ZC3H7A: variants seen among roughly 807,000 people sequenced by gnomAD.
ZC3H7A encodes the protein zinc finger CCCH-type containing 7A, also known as zinc finger CCCH domain-containing protein 7A.
Under a neutral mutation model 125.5 loss-of-function variants are expected in ZC3H7A, and 44 were observed. The observed-to-expected ratio is 0.35, with a 90% CI of 0.28 to 0.45. The LOEUF (loss-of-function observed/expected upper bound fraction) is 0.45. Among genes scored for constraint, ZC3H7A ranks in the 20% least tolerant of loss-of-function variants. ZC3H7A has a pLI of 1.00. For missense variants in ZC3H7A, 977 were observed against 1,170.7 expected (o/e 0.83, Z 2.41); for synonymous variants, 399 against 391.2 (o/e 1.02, Z -0.23).
intron 1 of ZC3H7A, among the ~76,000 whole-genome samples, chr16:11,794,098 A>C (rs549224414): frequency 2.5e-4 from 38 of 152,232 alleles, no homozygotes; most frequent in South Asian, 2.3e-3. Context: ...GTATGGAAGA[A>C]CTCAACAGGA....
At chr16:11,777,729 A>C (rs545144504) in intron 4 of ZC3H7A, among the ~76,000 whole-genome samples, 1 of 151,452 alleles carries the variant, frequency 6.6e-6, no homozygotes, top group Non-Finnish European at 1.5e-5. Context: ...TCAAAAATTT[A>C]AAAAAGGTGG....
At chr16:11,781,340 G>A in intron 3 of ZC3H7A, 85 bp downstream of exon 3, 3 of 1,345,332 alleles carry the variant, frequency 2.2e-6, no homozygotes, top group Non-Finnish European at 2.1e-6. Context: ...GGGCCCACAA[G>A]GCCATCATTT....
At chr16:11,795,789 G>A (rs1001394791) in intron 1 of ZC3H7A, among the ~76,000 whole-genome samples, 2 of 152,098 alleles carry the variant, frequency 1.3e-5, no homozygotes, top group African/African-American at 2.4e-5. Context: ...AAGAGAAAAA[G>A]AAAAGCAGTG....
chr16:11,787,286 G>A (rs966227440), intron 1 of ZC3H7A, among the ~76,000 whole-genome samples: 6 of 152,276 alleles, frequency 3.9e-5, no homozygotes, highest in Admixed American at 3.3e-4. Context: ...CTGGGCAACA[G>A]AACAAGATCT....
rs761693840 is a variant in ZC3H7A, at chr16:11,768,324, C to A, written c.1351G>T (p.Val451Leu). 3 of 1,537,738 alleles carry A rather than the reference C, an allele frequency of 2.0e-6. No homozygotes were observed. Among genetic ancestry groups the A allele is most frequent in the African/African-American group, 2.7e-5 (2 of 73,196 alleles). The change falls in exon 12 of 23, where the codon GTA becomes TTA. Residue 451 changes from valine to leucine, a missense_variant. Val to Leu is a conservative substitution (Grantham distance 32, BLOSUM62 1). Around this residue, in one of 3 missense-constraint regions of ZC3H7A, gnomAD observed 342 missense variants for 311.3 expected, o/e 1.10. Coordinates refer to ENST00000355758, the MANE Select transcript of ZC3H7A (RefSeq NM_014153.4). ...TTTGTTTGGTCCTGACCTGATTTTA[C>A]AAAACAGATCTGGCAAGCTTGTCTC... The part of the protein sequence containing the change: ...ELRQACQICF[V>L]KSGPKLMDFT...
chr16:11,797,192 TGGCGGC>T lies in ZC3H7A; in HGVS notation c.-109_-104del, dbSNP rs1224938376. The T allele has an allele frequency of 1.9e-5, 3 of 154,192 alleles. No individual in the cohort carries two copies. Among genetic ancestry groups the T allele is most frequent in the Non-Finnish European group, 2.8e-5 (2 of 71,692 alleles). The allele number at this position is 154,192 out of a possible 1,614,324, so 9.6% of individuals were successfully genotyped here. On this transcript the variant is annotated 5_prime_UTR_variant, in exon 1 of 23. Transcript: ENST00000355758. ...GCGGGCGGCGGCAGGCGGGCAGCGG[TGGCGGC>T]GGCGGCGGCGGGGCCTGGGTGCTCG...
At chr16:11,754,085 G>C (rs1284317312) in intron 21 of ZC3H7A, 1 of 151,870 alleles carries the variant, frequency 6.6e-6, no homozygotes. Context: ...GAGCACAGGA[G>C]TTTCAGACTA....
Position 11,768,366 on chromosome 16 carries a change from C to T in ZC3H7A, c.1309G>A (p.Glu437Lys). 5.7e-6 allele frequency: 9 copies of T among 1,587,814 alleles called. No individual in the cohort carries two copies. Among genetic ancestry groups the T allele is most frequent in the Non-Finnish European group, 7.7e-6 (9 of 1,163,762 alleles). The change falls in exon 12 of 23, where the codon GAA becomes AAA. Residue 437 changes from glutamate (E) to lysine (K), a missense_variant. Coordinates refer to ENST00000355758, the MANE Select transcript of ZC3H7A (RefSeq NM_014153.4). ...GCTTGTCTCAATTCATGGGTTCCTTCGAGGGGATGTCTTGGAGTCACTGAT... is the reference window on the plus strand; with the variant it reads ...GCTTGTCTCAATTCATGGGTTCCTTTGAGGGGATGTCTTGGAGTCACTGAT... ...SSSVTPRHPL[E>K]GTHELRQACQ... is the part of the protein sequence containing the mutation.
chr16:11,754,483 G>T (rs569245325), intron 21 of ZC3H7A, among the ~76,000 whole-genome samples: 2 of 151,966 alleles, frequency 1.3e-5, no homozygotes, highest in South Asian at 4.1e-4. Flanking sequence ...CAATGAAACT[G>T]GATCTGACTG....
In ZC3H7A at chr16:11,765,628, T is replaced by A. The variant is rs368088004; in HGVS notation, c.1580A>T (p.Gln527Leu). The A allele has an allele frequency of 3.7e-6, 6 of 1,613,980 alleles. No individual in the cohort carries two copies. The African/African-American group carries it at 8.0e-5, about 22-fold the overall frequency. Residue 527 changes from glutamine (Q) to leucine (L), a missense_variant, in exon 14 of 23, where the codon CAA (glutamine) becomes CTA (leucine). Physicochemically the swap from Gln to Leu is moderately radical, Grantham distance 113 (BLOSUM62 -2). Around this residue, in one of 3 missense-constraint regions of ZC3H7A, gnomAD observed 436 missense variants for 603.2 expected, o/e 0.72. Coordinates refer to ENST00000355758, the MANE Select transcript of ZC3H7A (RefSeq NM_014153.4). This position sits in a 1 kb window ranked among gnomAD's most constrained non-coding sequence, Gnocchi z 4.8. ...CAGTGTCCACACATCTATCTCCTCTTGGCAATAAGCAAACGTGCAGTGGCC... is the reference window on the plus strand; with the variant it reads ...CAGTGTCCACACATCTATCTCCTCTAGGCAATAAGCAAACGTGCAGTGGCC... ...YSGHCTFAYC[Q>L]EEIDVWTLER...
chr16:11,777,922 G>C (rs2141203401), intron 4 of ZC3H7A, among the ~76,000 whole-genome samples: 1 of 151,384 alleles, frequency 6.6e-6, no homozygotes, highest in Non-Finnish European at 1.5e-5. Flanking sequence ...GGGAAGCTGA[G>C]GCAGGAGAAT....
chr16:11,758,693 T>C (rs1467364140), intron 19 of ZC3H7A, 154 bp from the exon 20 acceptor site: 1 of 606,612 alleles, frequency 1.6e-6, no homozygotes, highest in Non-Finnish European at 2.9e-6. Flanking sequence ...AAATTAACTA[T>C]ATGCTCTAAA....
chr16:11,756,943 G>A (rs1162176315), intron 20 of ZC3H7A, among the ~76,000 whole-genome samples: 1 of 152,148 alleles, frequency 6.6e-6, no homozygotes, highest in Non-Finnish European at 1.5e-5. Flanking sequence ...GTGGCTGCCA[G>A]TTGCTTCCTA....
At position 11,768,520 on chromosome 16, in the gene ZC3H7A, G is replaced by T; in HGVS notation, c.1174-19C>A. 2 of 1,148,680 alleles carry T rather than the reference G, an allele frequency of 1.7e-6. No individual in the cohort carries two copies. The highest frequency in any genetic ancestry group is 2.2e-6 in the Non-Finnish European group (2 of 892,710). The allele number at this position is 1,148,680 out of a possible 1,614,324, so 71.2% of individuals were successfully genotyped here. ...CATTCATCTGCAAGAAAAATAAGAA[G>T]AAAAAAAAAAAAAACAGCCAACAAA... On this transcript the variant is annotated intron_variant, in intron 11 of 22. Coordinates refer to ENST00000355758, the MANE Select transcript of ZC3H7A (RefSeq NM_014153.4).
chr16:11,765,548 T>A lies in ZC3H7A; in HGVS notation c.1660A>T (p.Asn554Tyr). Reference sequence around the variant, plus strand: ...TGGAGAAGTTTGAACACAGTAAGGTTAATCTTTCCATTGCCGCCAAAGAAA... The same window carrying A: ...TGGAGAAGTTTGAACACAGTAAGGTAAATCTTTCCATTGCCGCCAAAGAAA... The part of the protein sequence containing the change: ...EAFFGGNGKI[N>Y]LTVFKLLQEH... Residue 554 changes from asparagine (N) to tyrosine (Y), a missense_variant, in exon 14 of 23, where the codon AAC (asparagine) becomes TAC (tyrosine). By Grantham distance (143) the Asn-to-Tyr change is moderately radical (BLOSUM62 -2). Coordinates refer to ENST00000355758, the MANE Select transcript of ZC3H7A (RefSeq NM_014153.4). The surrounding 1 kb of genome is among the most constrained non-coding windows in gnomAD (Gnocchi z 4.8). 6.2e-7 allele frequency: 1 copy of A among 1,614,194 alleles called. No individual in the cohort carries two copies. Among genetic ancestry groups the A allele is most frequent in the Non-Finnish European group, 8.5e-7 (1 of 1,180,036 alleles).
chr16:11,778,740 G>T (rs1182296667), intron 4 of ZC3H7A, among the ~76,000 whole-genome samples: 1 of 151,934 alleles, frequency 6.6e-6, no homozygotes. Context: ...TTGAGACGGA[G>T]TCTTGCTCTG....
At position 11,761,899 on chromosome 16, in the gene ZC3H7A, AC is replaced by A; in HGVS notation, c.2213+10del. Reference sequence around the variant, plus strand: ...TACAAAATAGGAATTGTTTCCACACACAATACTTACGAATGCCTTGCTTTTG... The same window carrying A: ...TACAAAATAGGAATTGTTTCCACACAAATACTTACGAATGCCTTGCTTTTG... On this transcript the variant is annotated intron_variant, in intron 18 of 22. Coordinates refer to ENST00000355758, the MANE Select transcript of ZC3H7A (RefSeq NM_014153.4). The A allele has an allele frequency of 1.2e-6, 2 of 1,610,236 alleles. No homozygotes were observed. Among genetic ancestry groups the A allele is most frequent in the East Asian group, 4.5e-5 (2 of 44,808 alleles).
chr16:11,796,006 A>AT (rs1292744503), intron 1 of ZC3H7A, among the ~76,000 whole-genome samples: 1 of 151,514 alleles, frequency 6.6e-6, no homozygotes, highest in South Asian at 2.1e-4. Context: ...AATTTTTTGT[A>AT]TTTTTTGTAG....
chr16:11,783,895 A>G (rs2053212163), intron 1 of ZC3H7A, among the ~76,000 whole-genome samples: 1 of 152,126 alleles, frequency 6.6e-6, no homozygotes, highest in Admixed American at 6.6e-5. Context: ...TTTTTGTCCT[A>G]TAAAGTTGGT....
Sources: allele counts gnomAD v4.1 joint callset (sites outside exome capture counted in the v4.1 genomes callset), GRCh38; gene constraint gnomAD v4.1.1; regional missense constraint gnomAD v4.1.1; non-coding constraint Gnocchi (gnomAD v3.1); transcripts MANE v1.5; gene names NCBI Gene and HGNC (gene_info 2026-07-23, HGNC 2026-07-21).